ZNRF1: variants seen among roughly 807,000 people sequenced by gnomAD.
The protein encoded by ZNRF1 is zinc and ring finger 1.
A neutral mutation model predicts 18.4 loss-of-function variants in ZNRF1; 3 were observed. The observed-to-expected ratio is 0.16, with a 90% CI of 0.07 to 0.42. The LOEUF (loss-of-function observed/expected upper bound fraction) is 0.42. ZNRF1 is among the 10% of genes least tolerant of loss of function. The probability of loss-of-function intolerance (pLI) is 0.99; values close to 1 mark genes in which losing one functional copy is unlikely to be tolerated. For missense variants in ZNRF1, 310 were observed against 329.8 expected (o/e 0.94, Z 0.47); for synonymous variants, 157 against 144.2 (o/e 1.09, Z -0.64).
chr16:75,078,981 A>G (rs1388164663), intron 1 of ZNRF1, among the ~76,000 whole-genome samples: 8 of 152,184 alleles, frequency 5.3e-5, no homozygotes, highest in South Asian at 2.1e-4. Context: ...TCCTGCTACC[A>G]TGTTGGAGCC....
At chr16:75,028,937 A>G (rs745981765) in intron 1 of ZNRF1, among the ~76,000 whole-genome samples, 48 of 152,112 alleles carry the variant, frequency 3.2e-4, no homozygotes, top group Admixed American at 6.5e-4. Context: ...TTATCTCTCT[A>G]CCTCAAATGT....
At chr16:75,005,112 A>G (rs1269729289) in intron 1 of ZNRF1, among the ~76,000 whole-genome samples, 3 of 152,196 alleles carry the variant, frequency 2.0e-5, no homozygotes, top group African/African-American at 7.2e-5. Context: ...GGGCCTTCAC[A>G]TGGTTTCTGG....
chr16:75,080,283 C>T (rs1181882022), intron 1 of ZNRF1, among the ~76,000 whole-genome samples: 4 of 152,238 alleles, frequency 2.6e-5, no homozygotes, highest in Admixed American at 6.5e-5. Flanking sequence ...TGCTGGGAGC[C>T]GTGGAAGGAG....
chr16:75,072,092 G>C (rs80324428), intron 1 of ZNRF1, among the ~76,000 whole-genome samples: 1 of 151,428 alleles, frequency 6.6e-6, no homozygotes, highest in African/African-American at 2.4e-5. Flanking sequence ...AGTGCATGCC[G>C]CCACGCCCAG....
At chr16:75,046,978 A>T (rs1959960098) in intron 1 of ZNRF1, 1 of 152,204 alleles carries the variant, frequency 6.6e-6, no homozygotes, top group South Asian at 2.1e-4. Context: ...ATTTCTGTGG[A>T]TTTCTCTGTA....
chr16:75,085,927 G>A (rs559945807), intron 1 of ZNRF1, among the ~76,000 whole-genome samples: 1 of 152,008 alleles, frequency 6.6e-6, no homozygotes, highest in Admixed American at 6.6e-5. Context: ...TGGAGACCTG[G>A]GAAAACTCGT....
intron 1 of ZNRF1, among the ~76,000 whole-genome samples, chr16:75,067,310 A>G (rs956355625): frequency 1.3e-5 from 2 of 152,186 alleles, no homozygotes; most frequent in Non-Finnish European, 2.9e-5. Flanking sequence ...CCGTTGGTTG[A>G]GGCAGGTGGG....
At chr16:75,034,346 G>A (rs1233008461) in intron 1 of ZNRF1, among the ~76,000 whole-genome samples, 1 of 152,068 alleles carries the variant, frequency 6.6e-6, no homozygotes, top group South Asian at 2.1e-4. Flanking sequence ...TTTTCTATGA[G>A]CTTGACCACT....
chr16:75,024,936 G>A (rs966896808), intron 1 of ZNRF1, among the ~76,000 whole-genome samples: 1 of 152,212 alleles, frequency 6.6e-6, no homozygotes, highest in South Asian at 2.1e-4. Context: ...GCCTCTGGAT[G>A]AATGGGTGTG....
intron 3 of ZNRF1, chr16:75,105,275 C>T (rs535501148): frequency 2.4e-5 from 5 of 204,422 alleles, no homozygotes; most frequent in East Asian, 1.5e-4. Context: ...TCAATCTGTG[C>T]GAGGAAGGCC....
At chr16:75,099,182 T>A (rs1216214434) in intron 2 of ZNRF1, among the ~76,000 whole-genome samples, 3 of 152,208 alleles carry the variant, frequency 2.0e-5, no homozygotes, top group Non-Finnish European at 4.4e-5. Flanking sequence ...TCATCACCAC[T>A]TAGCAGCTGC....
intron 1 of ZNRF1, among the ~76,000 whole-genome samples, chr16:75,016,713 T>TG (rs1331432769): frequency 6.7e-6 from 1 of 148,642 alleles, no homozygotes; most frequent in African/African-American, 2.5e-5. Context: ...TTTTTTTTTT[T>TG]TTTTTTGTAT....
intron 2 of ZNRF1, among the ~76,000 whole-genome samples, chr16:75,102,206 G>A (rs1349998723): frequency 6.6e-6 from 1 of 152,160 alleles, no homozygotes; most frequent in Admixed American, 6.5e-5. Flanking sequence ...GGCCCCAGGT[G>A]TTTGCCTTTC....
chr16:75,104,475 C>T lies in ZNRF1; in HGVS notation c.521-309C>T, dbSNP rs1258392294. 5 of 239,548 alleles carry T rather than the reference C, an allele frequency of 2.1e-5. 1 individual carries two copies. The highest frequency in any genetic ancestry group is 5.5e-5 in the South Asian group (1 of 18,214). The allele number at this position is 239,548 out of a possible 1,614,324, so 14.8% of individuals were successfully genotyped here. A position where few individuals can be genotyped will look rare whatever the true frequency, so the allele number is the denominator to read the frequency against. On this transcript the variant is annotated intron_variant, in intron 2 of 4. Transcript: ENST00000335325. ...ATCTGTGGAGGGAAACAGCTTGCCT[C>T]ATGCTGCCCCTGCTTCCTGTCTACC...
chr16:75,073,739 G>A (rs550913132), intron 1 of ZNRF1, among the ~76,000 whole-genome samples: 1 of 152,110 alleles, frequency 6.6e-6, no homozygotes, highest in Admixed American at 6.5e-5. Flanking sequence ...CGGGGACCTT[G>A]CCCGTTCCCC....
intron 1 of ZNRF1, among the ~76,000 whole-genome samples, chr16:75,056,547 C>G (rs1030900530): frequency 1.3e-5 from 2 of 152,146 alleles, no homozygotes; most frequent in Admixed American, 1.3e-4. Flanking sequence ...ACTGAAGATA[C>G]AGATACTGAA....
chr16:75,010,711 G>GTTGTTTTTTTTT lies in ZNRF1; in HGVS notation c.424+10618_424+10619insGTTTTTTTTTTT, dbSNP rs1555509222. Among the ~76,000 whole-genome samples the GTTGTTTTTTTTT allele has an allele frequency of 2.7e-5, 2 of 74,324 alleles. 1 individual carries two copies. Among genetic ancestry groups the GTTGTTTTTTTTT allele is most frequent in the Non-Finnish European group, 6.3e-5 (2 of 31,902 alleles). 48.8% of individuals were successfully genotyped at this position (74,324 alleles called of 152,430 possible). A position where few individuals can be genotyped will look rare whatever the true frequency, so the allele number is the denominator to read the frequency against. On this transcript the variant is annotated intron_variant, in intron 1 of 4. Coordinates refer to ENST00000335325, the MANE Select transcript of ZNRF1 (RefSeq NM_032268.5). ...CCTCTGTACTGTACTGTTTTTTTTT[G>GTTGTTTTTTTTT]TTTTTTTGTTTTTTTTTTTTTGAGG... is the stretch of plus-strand genomic sequence containing the variant.
intron 2 of ZNRF1, among the ~76,000 whole-genome samples, chr16:75,103,721 T>C (rs937384520): frequency 1.3e-5 from 2 of 152,080 alleles, no homozygotes; most frequent in Non-Finnish European, 2.9e-5. Flanking sequence ...GCGTGGTGGC[T>C]CACACCTGTA....
intron 1 of ZNRF1, among the ~76,000 whole-genome samples, chr16:75,066,709 G>C (rs752535344): frequency 5.3e-5 from 8 of 152,016 alleles, no homozygotes; most frequent in Non-Finnish European, 1.0e-4. Context: ...TCACCATGTT[G>C]ACCAGGCTGG....
Sources: allele counts gnomAD v4.1 joint callset (sites outside exome capture counted in the v4.1 genomes callset), GRCh38; gene constraint gnomAD v4.1.1; transcripts MANE v1.5; gene names NCBI Gene and HGNC (gene_info 2026-07-23, HGNC 2026-07-21).